Variants in CNBD1 observed in about 807,000 individuals in gnomAD.
The protein encoded by CNBD1 is cyclic nucleotide-binding domain-containing protein 1.
CNBD1 carries 71 observed loss-of-function variants against 54.4 expected under a neutral mutation model. That is an observed-to-expected ratio of 1.30 (90% CI 1.08 to 1.59). The LOEUF (loss-of-function observed/expected upper bound fraction) is 1.59. Ranked by LOEUF, CNBD1 falls within the 40% of genes most tolerant of loss-of-function variation. CNBD1 has a pLI of 0.00. For synonymous variants in CNBD1, 182 were observed against 170.7 expected, an observed-to-expected ratio of 1.07 and a Z score of -0.51; for missense variants, 659 against 518.0, an observed-to-expected ratio of 1.27 and a Z score of -2.64.
intron 2 of CNBD1, among the ~76,000 whole-genome samples, chr8:87,399,470 T>A (rs1441635835): frequency 1.3e-5 from 2 of 152,028 alleles, no homozygotes; most frequent in African/African-American, 2.4e-5. Flanking sequence ...ATCAATACAA[T>A]TTTAAGAGCT....
At chr8:87,422,687 T>A (rs1025497478) in intron 2 of CNBD1, among the ~76,000 whole-genome samples, 18 of 152,156 alleles carry the variant, frequency 1.2e-4, no homozygotes, top group African/African-American at 4.3e-4. Flanking sequence ...CCTTGTAGTA[T>A]AGTTTGAAGT....
At chr8:87,044,388 C>T (rs1004956821) in intron 4 of CNBD1, 5 of 151,838 alleles carry the variant, frequency 3.3e-5, no homozygotes, top group Non-Finnish European at 7.4e-5. Flanking sequence ...GGTCATTGGT[C>T]ATGTTTTCTG....
chr8:87,187,502 A>G (rs1813506030), intron 4 of CNBD1, among the ~76,000 whole-genome samples: 1 of 147,936 alleles, frequency 6.8e-6, no homozygotes, highest in South Asian at 2.1e-4. Flanking sequence ...TTTTGACAGT[A>G]ACTAAATATT....
At chr8:87,063,044 G>A (rs1312510554) in intron 4 of CNBD1, among the ~76,000 whole-genome samples, 1 of 152,240 alleles carries the variant, frequency 6.6e-6, no homozygotes, top group Non-Finnish European at 1.5e-5. Flanking sequence ...TTCACTTTTG[G>A]TTGTGTATTT....
chr8:87,317,302 T>A (rs564097207), intron 8 of CNBD1, among the ~76,000 whole-genome samples: 3 of 151,824 alleles, frequency 2.0e-5, no homozygotes, highest in East Asian at 1.9e-4. Flanking sequence ...ACTTTTTTTT[T>A]ATTTTCTAAG....
At chr8:86,954,610 T>C (rs1012855859) in intron 4 of CNBD1, among the ~76,000 whole-genome samples, 4 of 152,168 alleles carry the variant, frequency 2.6e-5, no homozygotes, top group African/African-American at 9.7e-5. Flanking sequence ...TAAAGACACA[T>C]TTTACTCTCC....
At chr8:87,261,477 A>C (rs1808138847) in intron 6 of CNBD1, among the ~76,000 whole-genome samples, 1 of 148,614 alleles carries the variant, frequency 6.7e-6, no homozygotes, top group African/African-American at 2.5e-5. Context: ...ATCACAGTGG[A>C]TTCACAGAGA....
chr8:87,172,042 T>C (rs1813099721), intron 4 of CNBD1, among the ~76,000 whole-genome samples: 1 of 152,184 alleles, frequency 6.6e-6, no homozygotes, highest in Non-Finnish European at 1.5e-5. Context: ...ATCATTTGTT[T>C]CATGAAATTC....
chr8:86,871,823 A>G (rs1446533956), intron 1 of CNBD1, among the ~76,000 whole-genome samples: 6 of 152,158 alleles, frequency 3.9e-5, no homozygotes, highest in African/African-American at 7.2e-5. Context: ...TTGGCCACCT[A>G]TATAGTAGCT....
At chr8:87,070,752 G>C (rs1337886511) in intron 4 of CNBD1, among the ~76,000 whole-genome samples, 2 of 151,996 alleles carry the variant, frequency 1.3e-5, no homozygotes, top group Admixed American at 1.3e-4. Flanking sequence ...TAATTACCTT[G>C]CTTTTGGCAT....
intron 5 of CNBD1, among the ~76,000 whole-genome samples, chr8:87,216,492 TGAGA>T (rs1260275469): frequency 2.0e-5 from 3 of 152,180 alleles, no homozygotes; most frequent in Non-Finnish European, 2.9e-5. Flanking sequence ...TTCTGTCATA[TGAGA>T]AAGAAATTTA....
At chr8:87,311,343 A>G (rs1026961017) in intron 8 of CNBD1, among the ~76,000 whole-genome samples, 13 of 152,150 alleles carry the variant, frequency 8.5e-5, no homozygotes, top group African/African-American at 3.1e-4. Flanking sequence ...ACAAACATGT[A>G]AAAATGCTCA....
chr8:87,232,163 T>C (rs1202524614), intron 5 of CNBD1, among the ~76,000 whole-genome samples: 1 of 152,176 alleles, frequency 6.6e-6, no homozygotes, highest in Non-Finnish European at 1.5e-5. Flanking sequence ...AGAGCTTCTT[T>C]ACACATTTTC....
chr8:87,174,619 G>GTCT (rs1283861508), intron 4 of CNBD1, among the ~76,000 whole-genome samples: 1 of 152,172 alleles, frequency 6.6e-6, no homozygotes, highest in Non-Finnish European at 1.5e-5. Context: ...ATCCTGGATG[G>GTCT]TCTTGATGCC....
At chr8:87,411,807 G>T (rs1408078039) in intron 2 of CNBD1, among the ~76,000 whole-genome samples, 2 of 151,658 alleles carry the variant, frequency 1.3e-5, no homozygotes, top group African/African-American at 2.4e-5. Context: ...TATGATAAAT[G>T]CCATCTTAGT....
chr8:87,151,549 A>G (rs1812604032), intron 4 of CNBD1, among the ~76,000 whole-genome samples: 3 of 152,180 alleles, frequency 2.0e-5, no homozygotes, highest in South Asian at 2.1e-4. Context: ...TTATAGTCCA[A>G]TGTATGGACC....
downstream of CNBD1, among the ~76,000 whole-genome samples, chr8:87,385,897 C>T (rs189471433): frequency 4.5e-3 from 678 of 152,150 alleles, 4 homozygotes; most frequent in Middle Eastern, 0.017. Context: ...CTCACATGGC[C>T]GGGTACTCCT....
rs186841349 is a variant in CNBD1, at chr8:87,229,558, A to G, written c.578-7361A>G. 8.2e-4 allele frequency among the ~76,000 whole-genome samples: 125 copies of G among 152,234 alleles called. 2 individuals carry two copies. The East Asian group carries it at 0.023, about 28-fold the overall frequency. On this transcript the variant is annotated intron_variant, in intron 5 of 10. Coordinates refer to ENST00000518476, the MANE Select transcript of CNBD1 (RefSeq NM_173538.3). Reference sequence around the variant, plus strand: ...TATAGTATTTTAATAATTTGTCTATAAATTTTGGGATTATGTCAAATACTC... The same window carrying G: ...TATAGTATTTTAATAATTTGTCTATGAATTTTGGGATTATGTCAAATACTC...
chr8:87,266,054 C>T (rs1808249271), intron 6 of CNBD1, among the ~76,000 whole-genome samples: 1 of 151,820 alleles, frequency 6.6e-6, no homozygotes, highest in African/African-American at 2.4e-5. Context: ...TTTGGAAGAA[C>T]ATTATACATT....
Sources: allele counts gnomAD v4.1 joint callset (sites outside exome capture counted in the v4.1 genomes callset), GRCh38; gene constraint gnomAD v4.1.1; transcripts MANE v1.5; gene names NCBI Gene and HGNC (gene_info 2026-07-23, HGNC 2026-07-21).